The following PKIG variants were observed in gnomAD, a reference collection of about 807,000 sequenced individuals.
The protein encoded by PKIG is cAMP-dependent protein kinase inhibitor gamma.
PKIG carries 1 observed loss-of-function variant against 6.8 expected under a neutral mutation model. The observed-to-expected ratio is 0.15, with a 90% CI of 0.05 to 0.69. PKIG has a LOEUF of 0.69. Ranked by LOEUF, PKIG falls within the 30% of genes least tolerant of loss-of-function variation. The pLI is 0.82. For synonymous variants in PKIG, 39 were observed against 43.0 expected (o/e 0.91, Z 0.36); for missense variants, 77 against 104.0 (o/e 0.74, Z 1.13).
chr20:44,613,575 C>G (rs547141651), intron 2 of PKIG, among the ~76,000 whole-genome samples: 12 of 152,334 alleles, frequency 7.9e-5, no homozygotes, highest in Admixed American at 2.0e-4. Context: ...CATATGTCAG[C>G]AAACCACACT....
chr20:44,546,303 T>C (rs1296262716), intron 1 of PKIG, among the ~76,000 whole-genome samples: 3 of 152,148 alleles, frequency 2.0e-5, no homozygotes, highest in Admixed American at 2.0e-4. Flanking sequence ...CCTTAGCCAG[T>C]ATTTGGAAAA....
intron 1 of PKIG, among the ~76,000 whole-genome samples, chr20:44,541,542 TAAC>T (rs2064561971): frequency 1.3e-5 from 2 of 152,198 alleles, no homozygotes; most frequent in Non-Finnish European, 2.9e-5. Context: ...TACCAAAACT[TAAC>T]ATTCTGCTGC....
At chr20:44,552,405 TAGAG>T (rs1421506528) in intron 1 of PKIG, among the ~76,000 whole-genome samples, 2 of 152,212 alleles carry the variant, frequency 1.3e-5, no homozygotes, top group African/African-American at 4.8e-5. Context: ...ATCTTGGAAA[TAGAG>T]AGATGAAGCT....
rs758654330 is a variant in PKIG at position 44,561,608 on chromosome 20, T to A, written c.-240-20977T>A. 3.9e-5 allele frequency among the ~76,000 whole-genome samples: 6 copies of A among 152,170 alleles called. No homozygotes were observed. In the East Asian group the frequency reaches 7.7e-4, roughly 20 times the overall value. ...CCAGTGACAAGTTCTAATATGCATT[T>A]AAAAAAATTTTTTTTTCAAGTTTTT... On this transcript the variant is annotated intron_variant, in intron 1 of 4. Transcript: ENST00000372887.
chr20:44,554,076 A>ATTT lies in PKIG; in HGVS notation c.-241+22109_-241+22111dup, dbSNP rs3092226. ...GACCAGTTTATTAATTTAAAAAAAA[A>ATTT]TTTTTTTTTTTTTGAGACAGAATCT... On this transcript the variant is annotated intron_variant, in intron 1 of 4. Coordinates refer to the PKIG transcript ENST00000372887. 5.4e-5 allele frequency among the ~76,000 whole-genome samples: 8 copies of ATTT among 147,770 alleles called. No homozygotes were observed. The South Asian group carries it at 1.1e-3, about 20-fold the overall frequency.
intron 1 of PKIG, among the ~76,000 whole-genome samples, chr20:44,561,875 C>T (rs1268488243): frequency 6.6e-6 from 1 of 152,156 alleles, no homozygotes; most frequent in Non-Finnish European, 1.5e-5. Flanking sequence ...GATGAATTTG[C>T]AGATTCAAAA....
chr20:44,540,845 G>T (rs1244707911), intron 1 of PKIG, among the ~76,000 whole-genome samples: 2 of 152,182 alleles, frequency 1.3e-5, no homozygotes, highest in Non-Finnish European at 2.9e-5. Flanking sequence ...GCCTCCCCAA[G>T]TACTGGGATT....
intron 1 of PKIG, among the ~76,000 whole-genome samples, chr20:44,559,731 A>G (rs1162990136): frequency 6.6e-6 from 1 of 152,234 alleles, no homozygotes; most frequent in South Asian, 2.1e-4. Context: ...ACATGCCATA[A>G]TTTATGTATT....
chr20:44,537,057 GTAGCTGGGA>G (rs1279080710), intron 1 of PKIG, among the ~76,000 whole-genome samples: 2 of 152,068 alleles, frequency 1.3e-5, no homozygotes, highest in Non-Finnish European at 2.9e-5. Context: ...AGCCTCCCAA[GTAGCTGGGA>G]TTACAAGCAC....
intron 1 of PKIG, among the ~76,000 whole-genome samples, chr20:44,576,657 A>G (rs2064900791): frequency 6.6e-6 from 1 of 152,032 alleles, no homozygotes; most frequent in Non-Finnish European, 1.5e-5. Flanking sequence ...GGCATTCCTC[A>G]CCCCTAAAAT....
In PKIG at chr20:44,618,393, A is replaced by G. The variant is rs1217110614; in HGVS notation, c.*29A>G. ...TGACCTTGTCCAAGAAGGCTGGACGAGAGACCTTCTGTCCCCTCCCAGAGG... is the reference window on the plus strand; with the variant it reads ...TGACCTTGTCCAAGAAGGCTGGACGGGAGACCTTCTGTCCCCTCCCAGAGG... On this transcript the variant is annotated 3_prime_UTR_variant, in exon 4 of 4. Transcript: ENST00000372886. The G allele has an allele frequency of 6.8e-7, 1 of 1,468,852 alleles. No individual in the cohort carries two copies. The highest frequency in any genetic ancestry group is 9.5e-7 in the Non-Finnish European group (1 of 1,047,436). 91.0% of individuals were successfully genotyped at this position (1,468,852 alleles called of 1,614,324 possible). A position where few individuals can be genotyped will look rare whatever the true frequency, so the allele number is the denominator to read the frequency against.
At position 44,593,364 on chromosome 20, in the gene PKIG, A is replaced by AACACAC. The variant is rs55947972; in HGVS notation, c.-24+3541_-24+3546dup. Among the ~76,000 whole-genome samples the AACACAC allele has an allele frequency of 2.2e-3, 293 of 132,536 alleles. 4 individuals are homozygous for AACACAC. Among genetic ancestry groups the AACACAC allele is most frequent in the Admixed American group, 9.4e-3 (123 of 13,134 alleles). The allele number at this position is 132,536 out of a possible 152,430, so 86.9% of individuals were successfully genotyped here. A position where few individuals can be genotyped will look rare whatever the true frequency, so the allele number is the denominator to read the frequency against. On this transcript the variant is annotated intron_variant, in intron 2 of 3. Coordinates refer to ENST00000372886, the MANE Select transcript of PKIG (RefSeq NM_001281445.2). ...AAAAAATTATAATGCTATAATAATC[A>AACACAC]ACACACACACACACACACACACACA...
chr20:44,592,998 A>G (rs75229007), intron 2 of PKIG, among the ~76,000 whole-genome samples: 152 of 152,298 alleles, frequency 1.0e-3, no homozygotes, highest in African/African-American at 3.6e-3. Flanking sequence ...TACTAAGGCA[A>G]TCTTGAGCAA....
intron 1 of PKIG, among the ~76,000 whole-genome samples, chr20:44,537,581 C>CTT (rs1218503545): frequency 7.0e-6 from 1 of 142,266 alleles, no homozygotes. Flanking sequence ...AATATACTTA[C>CTT]TTTTTTTTTT....
Position 44,554,534 on chromosome 20 carries a change from C to T in PKIG, c.-241+22556C>T, listed in dbSNP as rs3091663. On this transcript the variant is annotated intron_variant, in intron 1 of 4. Transcript: ENST00000372887. ...GATGGGTTTTTGAGCAGGGTCCAGA[C>T]TTGATGCTAATTGCTAGCTAAGAAC... Among the ~76,000 whole-genome samples the T allele has an allele frequency of 3.2e-3, 487 of 152,134 alleles. 1 individual carries two copies. The highest frequency in any genetic ancestry group is 0.011 in the African/African-American group (445 of 41,474).
chr20:44,540,040 A>G (rs1172399646), intron 1 of PKIG, among the ~76,000 whole-genome samples: 4 of 151,806 alleles, frequency 2.6e-5, no homozygotes, highest in Non-Finnish European at 1.5e-5. Flanking sequence ...GGCTCACTGC[A>G]ACGTCCACCT....
intron 1 of PKIG, among the ~76,000 whole-genome samples, chr20:44,539,489 G>A (rs1484427243): frequency 1.3e-5 from 2 of 151,036 alleles, no homozygotes; most frequent in African/African-American, 4.9e-5. Flanking sequence ...GCGTGATCTC[G>A]GCTCACTGCA....
chr20:44,568,867 G>A (rs2123280275), intron 1 of PKIG, among the ~76,000 whole-genome samples: 1 of 152,162 alleles, frequency 6.6e-6, no homozygotes, highest in African/African-American at 2.4e-5. Flanking sequence ...GCCTAATAGT[G>A]GACTTTAAGG....
intron 2 of PKIG, among the ~76,000 whole-genome samples, chr20:44,611,776 C>T (rs1022418955): frequency 2.0e-5 from 3 of 152,132 alleles, no homozygotes; most frequent in Non-Finnish European, 1.5e-5. Flanking sequence ...GCCTCGGCCT[C>T]CCAAAGTACT....
Sources: allele counts gnomAD v4.1 joint callset (sites outside exome capture counted in the v4.1 genomes callset), GRCh38; gene constraint gnomAD v4.1.1; transcripts MANE v1.5; gene names NCBI Gene and HGNC (gene_info 2026-07-23, HGNC 2026-07-21).